The following MYO3A variants were observed in gnomAD, a reference collection of about 807,000 sequenced individuals.
MYO3A encodes myosin IIIA, also known as myosin-IIIa.
A neutral mutation model predicts 192.7 loss-of-function variants in MYO3A; 180 were observed. That is an observed-to-expected ratio of 0.93 (90% CI 0.83 to 1.06). The LOEUF is 1.06. Ranked by LOEUF, MYO3A falls within the 50% of genes least tolerant of loss-of-function variation. MYO3A has a pLI of 0.00. For missense variants in MYO3A, 1,896 were observed against 1,905.0 expected, an observed-to-expected ratio of 1.00 and a Z score of 0.09; for synonymous variants, 628 against 645.3, an observed-to-expected ratio of 0.97 and a Z score of 0.41.
At chr10:26,083,362 T>C (rs1836093745) in intron 14 of MYO3A, among the ~76,000 whole-genome samples, 1 of 152,218 alleles carries the variant, frequency 6.6e-6, no homozygotes. Flanking sequence ...ATTTAAAACT[T>C]AGAAATTATT....
chr10:25,995,266 C>T (rs975737373), intron 4 of MYO3A, among the ~76,000 whole-genome samples: 8 of 152,162 alleles, frequency 5.3e-5, no homozygotes, highest in Non-Finnish European at 8.8e-5. Context: ...GATCTTCAAT[C>T]GCTGATACCC....
At chr10:26,074,249 G>T (rs1230632397) in intron 14 of MYO3A, among the ~76,000 whole-genome samples, 1 of 152,148 alleles carries the variant, frequency 6.6e-6, no homozygotes, top group African/African-American at 2.4e-5. Context: ...CTATAAAAGA[G>T]TGAGGCTGCA....
chr10:25,965,693 A>G (rs1838213153), intron 4 of MYO3A, among the ~76,000 whole-genome samples: 1 of 152,144 alleles, frequency 6.6e-6, no homozygotes, highest in African/African-American at 2.4e-5. Flanking sequence ...AAACCTCTGT[A>G]GCGAGGTTTG....
Position 25,990,339 on chromosome 10 carries a change from G to A in MYO3A, c.304-6151G>A, listed in dbSNP as rs549332354. Among the ~76,000 whole-genome samples, 18 of 151,960 alleles carry A rather than the reference G, an allele frequency of 1.2e-4. No homozygotes were observed. In the East Asian group the frequency reaches 2.7e-3, roughly 23 times the overall value. On this transcript the variant is annotated intron_variant, in intron 4 of 34. Coordinates refer to ENST00000642920, the MANE Select transcript of MYO3A (RefSeq NM_017433.5). Reference sequence around the variant, plus strand: ...AATTTTTTCAAATTTTTAAATTAATGTACATACAAAATGGTATATAACTGT... The same window carrying A: ...AATTTTTTCAAATTTTTAAATTAATATACATACAAAATGGTATATAACTGT...
chr10:25,964,311 A>C (rs1838129202), intron 4 of MYO3A, among the ~76,000 whole-genome samples: 1 of 152,180 alleles, frequency 6.6e-6, no homozygotes, highest in Non-Finnish European at 1.5e-5. Context: ...ACACTACAAA[A>C]GCACACATTA....
In MYO3A at chr10:26,166,189, C is replaced by T; in HGVS notation, c.3111+11C>T. On this transcript the variant is annotated intron_variant, in intron 27 of 34. Coordinates refer to ENST00000642920, the MANE Select transcript of MYO3A (RefSeq NM_017433.5). ...CTTGGAAAAACAAAAGTAATGTTTTCATGTAATTTTCAGGAAAATAAATAA... is the reference window on the plus strand; with the variant it reads ...CTTGGAAAAACAAAAGTAATGTTTTTATGTAATTTTCAGGAAAATAAATAA... The T allele has an allele frequency of 6.3e-7, 1 of 1,578,590 alleles. No homozygotes were observed. Among genetic ancestry groups the T allele is most frequent in the South Asian group, 1.1e-5 (1 of 90,312 alleles).
chr10:26,206,976 G>A (rs1843989169), intron 34 of MYO3A, among the ~76,000 whole-genome samples: 1 of 151,884 alleles, frequency 6.6e-6, no homozygotes, highest in South Asian at 2.1e-4. Flanking sequence ...TCATATACGT[G>A]TTGACCATTT....
intron 17 of MYO3A, among the ~76,000 whole-genome samples, chr10:26,107,951 T>C (rs1365403931): frequency 1.3e-5 from 2 of 152,186 alleles, no homozygotes; most frequent in Non-Finnish European, 2.9e-5. Context: ...TCTTTTTTTT[T>C]AAGAGAATAC....
intron 15 of MYO3A, among the ~76,000 whole-genome samples, chr10:26,091,373 T>C (rs1836689849): frequency 6.6e-6 from 1 of 152,198 alleles, no homozygotes; most frequent in Non-Finnish European, 1.5e-5. Context: ...TAAACATAGA[T>C]AGTTTTCAAG....
intron 17 of MYO3A, among the ~76,000 whole-genome samples, chr10:26,112,682 CT>C (rs1439820711): frequency 2.6e-5 from 4 of 152,124 alleles, no homozygotes; most frequent in African/African-American, 4.8e-5. Flanking sequence ...CCTTTAAATA[CT>C]CTCAGAGTTT....
At chr10:25,991,175 T>C (rs971382140) in intron 4 of MYO3A, among the ~76,000 whole-genome samples, 1 of 152,338 alleles carries the variant, frequency 6.6e-6, no homozygotes, top group Non-Finnish European at 1.5e-5. Flanking sequence ...CCAGCACCTG[T>C]TGTTTCCTGA....
intron 10 of MYO3A, among the ~76,000 whole-genome samples, chr10:26,054,993 C>T (rs1844229757): frequency 6.6e-6 from 1 of 152,244 alleles, no homozygotes; most frequent in African/African-American, 2.4e-5. Flanking sequence ...TGCTTCTTCA[C>T]TCTGCCCTGT....
chr10:25,954,849 T>C, intron 3 of MYO3A, 25 bp from the exon 4 acceptor site: 1 of 1,606,422 alleles, frequency 6.2e-7, no homozygotes, highest in South Asian at 1.1e-5. Context: ...CTCACAGTTC[T>C]ATTCTTATGA....
intron 15 of MYO3A, among the ~76,000 whole-genome samples, chr10:26,091,325 A>G (rs2131528545): frequency 6.6e-6 from 1 of 152,314 alleles, no homozygotes; most frequent in Middle Eastern, 3.4e-3. Flanking sequence ...TCTAATGATG[A>G]TAGTACTATC....
intron 26 of MYO3A, among the ~76,000 whole-genome samples, chr10:26,163,139 C>A (rs755213009): frequency 2.0e-5 from 3 of 152,122 alleles, no homozygotes; most frequent in Non-Finnish European, 2.9e-5. Context: ...TATAGGAGGG[C>A]AGAAGGGAGC....
At chr10:26,119,080 C>T (rs1838692528) in intron 17 of MYO3A, among the ~76,000 whole-genome samples, 1 of 152,120 alleles carries the variant, frequency 6.6e-6, no homozygotes, top group African/African-American at 2.4e-5. Context: ...TTTGCCTTTG[C>T]TGTCCTCTGC....
intron 6 of MYO3A, among the ~76,000 whole-genome samples, chr10:26,006,245 A>C (rs1245951736): frequency 2.0e-5 from 3 of 152,154 alleles, no homozygotes; most frequent in Non-Finnish European, 1.5e-5. Flanking sequence ...TGTAGAGGGA[A>C]ATTTATAGCA....
At chr10:25,957,867 C>T in intron 4 of MYO3A, among the ~76,000 whole-genome samples, 1 of 152,018 alleles carries the variant, frequency 6.6e-6, no homozygotes, top group East Asian at 1.9e-4. Context: ...TTTTCATATG[C>T]TATTGGCTAC....
At chr10:26,035,647 C>T (rs1268910440) in intron 10 of MYO3A, among the ~76,000 whole-genome samples, 2 of 152,100 alleles carry the variant, frequency 1.3e-5, no homozygotes, top group African/African-American at 2.4e-5. Flanking sequence ...AAACTAAATC[C>T]CAGAGAAATT....
Sources: gnomAD v4.1 joint callset for allele counts (sites outside exome capture counted in the v4.1 genomes callset) on GRCh38, gnomAD v4.1.1 for gene constraint, MANE v1.5 for transcripts, NCBI Gene and HGNC (gene_info 2026-07-23, HGNC 2026-07-21) for gene names.